Variants in PTPN4 observed in about 807,000 individuals in gnomAD.
PTPN4 encodes the protein protein tyrosine phosphatase non-receptor type 4.
Under a neutral mutation model 135.5 loss-of-function variants are expected in PTPN4, and 49 were observed. The observed-to-expected ratio is 0.36, with a 90% CI of 0.29 to 0.46. PTPN4 has a LOEUF of 0.46. Among genes scored for constraint, PTPN4 ranks in the 20% least tolerant of loss-of-function variants. PTPN4 has a pLI of 1.00. For synonymous variants in PTPN4, 333 were observed against 369.9 expected (o/e 0.90, Z 1.14); for missense variants, 860 against 1,101.0 (o/e 0.78, Z 3.10).
intron 26 of PTPN4, among the ~76,000 whole-genome samples, chr2:119,968,659 G>A (rs1368627686): frequency 2.6e-5 from 4 of 152,106 alleles, no homozygotes; most frequent in African/African-American, 9.7e-5. Flanking sequence ...GGGCATGGTG[G>A]TGGGCACCTG....
At chr2:119,854,530 G>T (rs1200663997) in intron 2 of PTPN4, among the ~76,000 whole-genome samples, 6 of 152,160 alleles carry the variant, frequency 3.9e-5, no homozygotes, top group Non-Finnish European at 5.9e-5. Context: ...CTGAAAAGGG[G>T]CGTCAAGTGG....
intron 26 of PTPN4, among the ~76,000 whole-genome samples, chr2:119,969,239 C>T (rs1217431773): frequency 6.6e-6 from 1 of 152,008 alleles, no homozygotes; most frequent in Non-Finnish European, 1.5e-5. Flanking sequence ...TCTTGAACTC[C>T]TGGGTTCAAG....
chr2:119,920,298 A>G, intron 12 of PTPN4, 57 bp downstream of exon 12: 1 of 1,494,018 alleles, frequency 6.7e-7, no homozygotes, highest in Non-Finnish European at 9.1e-7. Context: ...CTTTCTTTAA[A>G]ATAAAGATGT....
At chr2:119,956,738 A>G (rs889827452) in intron 20 of PTPN4, 106 bp from the exon 21 acceptor site, 11 of 1,554,900 alleles carry the variant, frequency 7.1e-6, no homozygotes, top group Non-Finnish European at 8.6e-6. Context: ...GACCTATTCA[A>G]AGGCAAAGAA....
chr2:119,824,783 G>C (rs1230860988), intron 2 of PTPN4, among the ~76,000 whole-genome samples: 1 of 152,068 alleles, frequency 6.6e-6, no homozygotes, highest in African/African-American at 2.4e-5. Context: ...TGCCTCCCAG[G>C]TTCAAGCACT....
chr2:119,962,910 T>A (rs867297067), intron 24 of PTPN4, among the ~76,000 whole-genome samples, 166 bp downstream of exon 24: 2 of 152,202 alleles, frequency 1.3e-5, no homozygotes, highest in Admixed American at 1.3e-4. Flanking sequence ...AAGAGTATTA[T>A]CCTATTCTAT....
chr2:119,930,388 C>G (rs541041257), intron 13 of PTPN4, among the ~76,000 whole-genome samples: 2 of 151,792 alleles, frequency 1.3e-5, no homozygotes, highest in African/African-American at 2.4e-5. Flanking sequence ...TCATAAGTAA[C>G]TTAAATTTTT....
intron 1 of PTPN4, among the ~76,000 whole-genome samples, chr2:119,778,411 A>G (rs1690878232): frequency 6.6e-6 from 1 of 152,180 alleles, no homozygotes; most frequent in Non-Finnish European, 1.5e-5. Context: ...AACTAGACTG[A>G]GCTTCTTGAG....
chr2:119,978,913 A>T lies in PTPN4; in HGVS notation c.*1843A>T, dbSNP rs568734365. ...AAGCTCCTAAACATTAATAGCCAAG[A>T]TACCAAATAAATTATCATATTAAAA... On this transcript the variant is annotated 3_prime_UTR_variant, in exon 27 of 27. Transcript: ENST00000263708. 1.2e-4 allele frequency: 18 copies of T among 152,266 alleles called. No homozygotes were observed. The highest frequency in any genetic ancestry group is 2.0e-4 in the Admixed American group (3 of 15,296). 9.4% of individuals were successfully genotyped at this position (152,266 alleles called of 1,614,324 possible).
chr2:119,915,244 T>C lies in PTPN4; in HGVS notation c.828+2T>C. The C allele has an allele frequency of 1.3e-6, 2 of 1,526,410 alleles. No individual in the cohort carries two copies. Among genetic ancestry groups the C allele is most frequent in the Non-Finnish European group, 1.8e-6 (2 of 1,136,386 alleles). 94.6% of individuals were successfully genotyped at this position (1,526,410 alleles called of 1,614,324 possible). A position where few individuals can be genotyped will look rare whatever the true frequency, so the allele number is the denominator to read the frequency against. On this transcript the variant is annotated splice_donor_variant, in intron 11 of 26. Coordinates refer to ENST00000263708, the MANE Select transcript of PTPN4 (RefSeq NM_002830.4). LOFTEE classifies it high-confidence loss of function. Reference sequence around the variant, plus strand: ...TTTATTCAACTTAGAAAAGAATTGGTGAGTACGGATTTAATAATTATTGAC... The same window carrying C: ...TTTATTCAACTTAGAAAAGAATTGGCGAGTACGGATTTAATAATTATTGAC...
chr2:119,830,123 T>G (rs1677198138), intron 2 of PTPN4, among the ~76,000 whole-genome samples: 1 of 152,226 alleles, frequency 6.6e-6, no homozygotes. Context: ...AGGTGTGTAT[T>G]CCTATATTTT....
chr2:119,792,795 T>C (rs1297997922), intron 1 of PTPN4, among the ~76,000 whole-genome samples: 1 of 152,162 alleles, frequency 6.6e-6, no homozygotes, highest in African/African-American at 2.4e-5. Flanking sequence ...GCTGGGTGTC[T>C]GGGGGAGACA....
rs3189128 is a variant in PTPN4 at position 119,977,059 on chromosome 2, A to T, written c.2770A>T (p.Thr924Ser). 53,165 of 1,594,348 alleles carry T rather than the reference A, an allele frequency of 0.033. 1,222 individuals carry two copies. The highest frequency in any genetic ancestry group is 0.1 in the African/African-American group (7,529 of 73,474). The change falls in exon 27 of 27, where the codon ACA becomes TCA. Residue 924 changes from threonine (T) to serine (S), a missense_variant. By Grantham distance (58) the Thr-to-Ser change is moderately conservative. Around this residue, in one of 2 missense-constraint regions of PTPN4, gnomAD observed 176 missense variants for 294.1 expected, o/e 0.60. Transcript: ENST00000263708. ...CTTTGTTAAACCCTTAACAACATCA[A>T]CAAATAAATAAGAAAGCAAAAAGAT... ...EGFVKPLTTS[T>S]NK
At chr2:119,823,530 G>T (rs1316000066) in intron 2 of PTPN4, among the ~76,000 whole-genome samples, 2 of 152,074 alleles carry the variant, frequency 1.3e-5, no homozygotes, top group Non-Finnish European at 2.9e-5. Flanking sequence ...ACCGTGCCCA[G>T]CCCATCTGTT....
intron 12 of PTPN4, among the ~76,000 whole-genome samples, chr2:119,923,456 G>A (rs561054304): frequency 5.5e-4 from 84 of 152,250 alleles, no homozygotes; most frequent in Non-Finnish European, 1.1e-3. Context: ...TGTCAACCAA[G>A]TCCTAAAGAC....
At chr2:119,775,265 C>G (rs541800843) in intron 1 of PTPN4, among the ~76,000 whole-genome samples, 26 of 152,056 alleles carry the variant, frequency 1.7e-4, no homozygotes, top group Admixed American at 3.9e-4. Context: ...CTGCTAACCC[C>G]CGAGCCTTGA....
At chr2:119,856,814 C>T (rs1267992317) in intron 2 of PTPN4, among the ~76,000 whole-genome samples, 1 of 152,214 alleles carries the variant, frequency 6.6e-6, no homozygotes. Flanking sequence ...TTGAGATTCT[C>T]TGTCCAATAT....
chr2:119,771,430 G>C (rs1239306162), intron 1 of PTPN4: 1 of 152,190 alleles, frequency 6.6e-6, no homozygotes, highest in South Asian at 2.1e-4. Context: ...CTGGTTTTCT[G>C]TGTTAACAAT....
chr2:119,895,568 A>G (rs1237686476), intron 9 of PTPN4, among the ~76,000 whole-genome samples: 1 of 151,902 alleles, frequency 6.6e-6, no homozygotes, highest in Admixed American at 6.6e-5. Context: ...TGAACCTGGG[A>G]GCGGAGGTTG....
Sources: allele counts gnomAD v4.1 joint callset (sites outside exome capture counted in the v4.1 genomes callset), GRCh38; gene constraint gnomAD v4.1.1; regional missense constraint gnomAD v4.1.1; transcripts MANE v1.5; gene names NCBI Gene and HGNC (gene_info 2026-07-23, HGNC 2026-07-21).